Variants in CPNE4 observed in about 807,000 individuals in gnomAD.
The protein encoded by CPNE4 is copine-4.
A neutral mutation model predicts 67.9 loss-of-function variants in CPNE4; 25 were observed. The ratio of observed to expected loss-of-function variants is 0.37; its 90% CI spans 0.27 to 0.51. The LOEUF (loss-of-function observed/expected upper bound fraction) is 0.51. Among genes scored for constraint, CPNE4 ranks in the 20% least tolerant of loss-of-function variants. CPNE4 has a pLI of 0.93. For synonymous variants in CPNE4, 242 were observed against 244.9 expected (o/e 0.99, Z 0.11); for missense variants, 464 against 690.8 (o/e 0.67, Z 3.68).
At chr3:132,007,522 A>T (rs1248091815) in intron 1 of CPNE4, among the ~76,000 whole-genome samples, 1 of 152,184 alleles carries the variant, frequency 6.6e-6, no homozygotes, top group Non-Finnish European at 1.5e-5. Context: ...AATGTTTGGC[A>T]GAGTTGCTGC....
chr3:131,859,948 T>A (rs1361374663), intron 2 of CPNE4, among the ~76,000 whole-genome samples: 1 of 152,088 alleles, frequency 6.6e-6, no homozygotes, highest in Non-Finnish European at 1.5e-5. Context: ...TCAGTGCAAA[T>A]CCATCCGCAG....
At chr3:131,639,716 A>G (rs1400828627) in intron 7 of CPNE4, among the ~76,000 whole-genome samples, 1 of 152,140 alleles carries the variant, frequency 6.6e-6, no homozygotes, top group Non-Finnish European at 1.5e-5. Context: ...AAGGGAAACT[A>G]CAGACCAATA....
chr3:131,750,803 C>A (rs1583137580), intron 2 of CPNE4, among the ~76,000 whole-genome samples: 3 of 152,004 alleles, frequency 2.0e-5, no homozygotes, highest in East Asian at 3.9e-4. Flanking sequence ...ATTTAAAGAA[C>A]TTTGTCTCAC....
chr3:131,710,614 T>G (rs1208807068), intron 3 of CPNE4, among the ~76,000 whole-genome samples: 2 of 152,304 alleles, frequency 1.3e-5, no homozygotes, highest in South Asian at 2.1e-4. Flanking sequence ...TGCAACTTAC[T>G]GTCAGTGTAC....
intron 3 of CPNE4, among the ~76,000 whole-genome samples, chr3:131,711,259 G>A (rs2081550544): frequency 6.6e-6 from 1 of 152,184 alleles, no homozygotes; most frequent in Non-Finnish European, 1.5e-5. Flanking sequence ...GAGCACCAGA[G>A]AGCAGCACAG....
chr3:131,662,169 A>G (rs2080143021), intron 7 of CPNE4, among the ~76,000 whole-genome samples: 1 of 152,328 alleles, frequency 6.6e-6, no homozygotes, highest in South Asian at 2.1e-4. Context: ...CCAGGGGTTA[A>G]GAGTCACATG....
At chr3:131,665,214 G>T (rs1440412002) in intron 7 of CPNE4, among the ~76,000 whole-genome samples, 5 of 151,512 alleles carry the variant, frequency 3.3e-5, no homozygotes, top group Admixed American at 1.3e-4. Context: ...ATTAATCTCT[G>T]CCAGAATTAA....
intron 7 of CPNE4, among the ~76,000 whole-genome samples, chr3:131,653,236 C>T (rs151016058): frequency 0.021 from 3,212 of 150,398 alleles, 115 homozygotes; most frequent in African/African-American, 0.074. Context: ...AGCTCCGCCT[C>T]CCGGTTCACT....
intron 1 of CPNE4, among the ~76,000 whole-genome samples, chr3:131,925,851 G>T (rs1262846114): frequency 6.6e-6 from 1 of 152,130 alleles, no homozygotes; most frequent in Non-Finnish European, 1.5e-5. Flanking sequence ...CTGACTTTTG[G>T]TGACTAGTCA....
chr3:131,891,157 T>G (rs2088097632), intron 2 of CPNE4, among the ~76,000 whole-genome samples: 1 of 152,016 alleles, frequency 6.6e-6, no homozygotes, highest in African/African-American at 2.4e-5. Context: ...ATGATGGATA[T>G]ATATATATTT....
chr3:131,917,047 T>C (rs867050036), intron 1 of CPNE4, among the ~76,000 whole-genome samples: 2 of 152,148 alleles, frequency 1.3e-5, no homozygotes, highest in Non-Finnish European at 2.9e-5. Context: ...TGACTGCCCA[T>C]CTTACTTGTG....
At chr3:131,944,793 G>A (rs187993181) in intron 1 of CPNE4, among the ~76,000 whole-genome samples, 1 of 152,204 alleles carries the variant, frequency 6.6e-6, no homozygotes, top group Admixed American at 6.5e-5. Flanking sequence ...CCTTCCAAAA[G>A]CTTCAAATGC....
chr3:131,851,864 T>C (rs535344527), intron 2 of CPNE4, among the ~76,000 whole-genome samples: 27 of 152,140 alleles, frequency 1.8e-4, no homozygotes, highest in African/African-American at 5.3e-4. Context: ...AACAGAGACA[T>C]GGGCAGAAGT....
intron 2 of CPNE4, among the ~76,000 whole-genome samples, chr3:131,791,231 GA>G (rs1332749464): frequency 6.6e-6 from 1 of 152,146 alleles, no homozygotes; most frequent in Non-Finnish European, 1.5e-5. Flanking sequence ...TTACAACTGA[GA>G]AATTTTTTCT....
intron 2 of CPNE4, among the ~76,000 whole-genome samples, chr3:131,849,390 G>A (rs753035145): frequency 4.6e-5 from 7 of 152,108 alleles, no homozygotes; most frequent in African/African-American, 9.7e-5. Context: ...ACGTTCAATC[G>A]TGATGGAAGG....
At chr3:131,806,341 G>T (rs1453088819) in intron 2 of CPNE4, among the ~76,000 whole-genome samples, 1 of 152,118 alleles carries the variant, frequency 6.6e-6, no homozygotes, top group African/African-American at 2.4e-5. Context: ...ATGAGGTCAG[G>T]AGATCGAGAC....
At chr3:131,916,258 T>A (rs770592258) in intron 1 of CPNE4, among the ~76,000 whole-genome samples, 1 of 151,992 alleles carries the variant, frequency 6.6e-6, no homozygotes, top group African/African-American at 2.4e-5. Flanking sequence ...TTTTACCTTC[T>A]TAATAAAATC....
intron 10 of CPNE4, among the ~76,000 whole-genome samples, chr3:131,567,174 A>T (rs1937103047): frequency 6.6e-6 from 1 of 151,976 alleles, no homozygotes; most frequent in South Asian, 2.1e-4. Context: ...TGGTGTCTTG[A>T]TATAAAACTA....
chr3:132,007,663 T>G (rs2073645355), intron 1 of CPNE4, among the ~76,000 whole-genome samples: 1 of 152,072 alleles, frequency 6.6e-6, no homozygotes, highest in African/African-American at 2.4e-5. Flanking sequence ...CATTAAAACA[T>G]TCACATGCTA....
Sources: gnomAD v4.1 joint callset for allele counts (sites outside exome capture counted in the v4.1 genomes callset) on GRCh38, gnomAD v4.1.1 for gene constraint, MANE v1.5 for transcripts, NCBI Gene and HGNC (gene_info 2026-07-23, HGNC 2026-07-21) for gene names.